WFDC11: variants seen among roughly 807,000 people sequenced by gnomAD.
WFDC11 encodes WAP four-disulfide core domain 11, also known as protein WFDC11.
A neutral mutation model predicts 9.9 loss-of-function variants in WFDC11; 9 were observed. The ratio of observed to expected loss-of-function variants is 0.91; its 90% confidence interval spans 0.55 to 1.58. The LOEUF (loss-of-function observed/expected upper bound fraction) is 1.58, where lower values mean the gene tolerates loss of function less well. WFDC11 is among the 40% of genes most tolerant of loss of function. The probability of loss-of-function intolerance (pLI) is 0.00; values close to 1 mark genes in which losing one functional copy is unlikely to be tolerated. For missense variants in WFDC11, 106 were observed against 101.7 expected, an observed-to-expected ratio of 1.04 and a Z score of -0.18; for synonymous variants, 32 against 33.3, an observed-to-expected ratio of 0.96 and a Z score of 0.13.
chr20:45,669,215 TAAAA>T (rs1415106899), intron 1 of WFDC11, among the ~76,000 whole-genome samples: 1 of 152,114 alleles, frequency 6.6e-6, no homozygotes, highest in African/African-American at 2.4e-5. Flanking sequence ...AAATTAAAAT[TAAAA>T]AACCATCTTT....
intron 4 of WFDC11, among the ~76,000 whole-genome samples, 168 bp from the exon 5 acceptor site, chr20:45,648,907 A>T (rs4812947): frequency 0.014 from 2,111 of 152,322 alleles, 88 homozygotes; most frequent in Admixed American, 0.097. Flanking sequence ...GGACAAAAAA[A>T]GGTGGAGACT....
intron 2 of WFDC11, among the ~76,000 whole-genome samples, chr20:45,659,799 C>T (rs986549636): frequency 3.3e-5 from 5 of 152,122 alleles, no homozygotes; most frequent in Non-Finnish European, 7.4e-5. Context: ...ATCCCTATGT[C>T]CTGAATGGTA....
At chr20:45,659,950 C>A (rs1044889927) in intron 2 of WFDC11, among the ~76,000 whole-genome samples, 1 of 152,250 alleles carries the variant, frequency 6.6e-6, no homozygotes, top group East Asian at 1.9e-4. Context: ...GTTTTCCCAG[C>A]ACCATTTATT....
At chr20:45,666,699 C>T (rs1306401926) in intron 2 of WFDC11, among the ~76,000 whole-genome samples, 2 of 152,212 alleles carry the variant, frequency 1.3e-5, no homozygotes, top group African/African-American at 4.8e-5. Flanking sequence ...TATCACTTCA[C>T]CCAATAATGT....
chr20:45,650,552 AG>A lies in WFDC11; in HGVS notation c.48del (p.Cys17ValfsTer11). 1 of 1,614,146 alleles carries A rather than the reference AG, an allele frequency of 6.2e-7. No homozygotes were observed. Among genetic ancestry groups the A allele is most frequent in the Non-Finnish European group, 8.5e-7 (1 of 1,180,028 alleles). ...CCCAGCACAGACAGTAGCACCGTAC[AG>A]AAGAATGTCATGAGCATGGGTATCC... ...KLWIPMLMTF[F>X]CTVLLSVLGE... is the part of the protein sequence containing the mutation. On this transcript the variant is annotated frameshift_variant, in exon 3 of 5. Coordinates refer to ENST00000324384, the MANE Select transcript of WFDC11 (RefSeq NM_147197.2). LOFTEE classifies it high-confidence loss of function.
At chr20:45,664,998 C>T (rs1983157539) in intron 2 of WFDC11, among the ~76,000 whole-genome samples, 1 of 152,198 alleles carries the variant, frequency 6.6e-6, no homozygotes, top group South Asian at 2.1e-4. Context: ...TGGATAACAT[C>T]CTAAAGAGTG....
At chr20:45,665,682 T>G (rs1416401652) in intron 2 of WFDC11, among the ~76,000 whole-genome samples, 1 of 152,220 alleles carries the variant, frequency 6.6e-6, no homozygotes, top group East Asian at 1.9e-4. Context: ...GTCCCTCAGC[T>G]GCAGGTCTGT....
rs749119237 is a variant in WFDC11 at position 45,649,399 on chromosome 20, C to T, written c.101G>A (p.Arg34Lys). The T allele has an allele frequency of 1.2e-6, 2 of 1,613,468 alleles. No individual in the cohort carries two copies. Among genetic ancestry groups the T allele is most frequent in the African/African-American group, 2.7e-5 (2 of 74,902 alleles). ...LGEMRKKRYDRKELLLEECWG... is the reference protein window; with the variant it reads ...LGEMRKKRYDKKELLLEECWG... ...GCATTCTTCAAGTAACAATTCCTTC[C>T]CTGAAATTGAGATGAGATGGTCAAA... is the stretch of plus-strand genomic sequence containing the variant. The change falls in exon 4 of 5, where the codon AGG (arginine) becomes AAG (lysine). Residue 34 changes from arginine to lysine, a missense_variant and splice_region_variant. Physicochemically the swap from Arg to Lys is conservative, Grantham distance 26. Coordinates refer to ENST00000324384, the MANE Select transcript of WFDC11 (RefSeq NM_147197.2).
At chr20:45,662,134 G>A (rs181500246) in intron 2 of WFDC11, among the ~76,000 whole-genome samples, 6 of 152,134 alleles carry the variant, frequency 3.9e-5, no homozygotes, top group South Asian at 2.1e-4. Context: ...GGTCCTTCAC[G>A]TCCCTTGTAA....
At chr20:45,651,279 G>T (rs1180674003) in intron 2 of WFDC11, among the ~76,000 whole-genome samples, 1 of 152,138 alleles carries the variant, frequency 6.6e-6, no homozygotes, top group African/African-American at 2.4e-5. Flanking sequence ...AACTTATGAT[G>T]GTTTGACATA....
At chr20:45,656,633 A>T (rs1276479507) in intron 2 of WFDC11, among the ~76,000 whole-genome samples, 2 of 151,850 alleles carry the variant, frequency 1.3e-5, no homozygotes, top group African/African-American at 4.8e-5. Context: ...GGAAACTACC[A>T]TCAGAGTGAA....
chr20:45,655,380 C>T (rs944146797), intron 2 of WFDC11, among the ~76,000 whole-genome samples: 3 of 152,170 alleles, frequency 2.0e-5, no homozygotes, highest in Admixed American at 1.3e-4. Context: ...CAAAATTCAA[C>T]AACCCTTCAT....
intron 2 of WFDC11, among the ~76,000 whole-genome samples, chr20:45,652,568 A>G (rs748228968): frequency 1.3e-5 from 2 of 152,252 alleles, no homozygotes; most frequent in Non-Finnish European, 2.9e-5. Flanking sequence ...CAGCAATGGA[A>G]CAAAGCTGGA....
chr20:45,651,601 G>A (rs747177921), intron 2 of WFDC11, among the ~76,000 whole-genome samples: 4 of 152,176 alleles, frequency 2.6e-5, no homozygotes, highest in Admixed American at 6.5e-5. Flanking sequence ...CAGAAAGTGG[G>A]TGCAGCACAC....
intron 2 of WFDC11, among the ~76,000 whole-genome samples, chr20:45,654,647 GT>G (rs774410810): frequency 6.6e-5 from 10 of 152,116 alleles, no homozygotes; most frequent in Non-Finnish European, 1.2e-4. Flanking sequence ...CCAGGAGCTG[GT>G]TTTTTGAAAA....
chr20:45,661,116 G>T (rs1983052702), intron 2 of WFDC11, among the ~76,000 whole-genome samples: 1 of 152,150 alleles, frequency 6.6e-6, no homozygotes, highest in Non-Finnish European at 1.5e-5. Context: ...ATTCTAACTG[G>T]TGTGAGATGG....
chr20:45,656,518 A>T (rs1982935078), intron 2 of WFDC11, among the ~76,000 whole-genome samples: 1 of 152,254 alleles, frequency 6.6e-6, no homozygotes, highest in South Asian at 2.1e-4. Flanking sequence ...TTCAGGACAT[A>T]GGCATGGGCA....
At chr20:45,652,661 C>T (rs1295243582) in intron 2 of WFDC11, among the ~76,000 whole-genome samples, 8 of 151,956 alleles carry the variant, frequency 5.3e-5, no homozygotes. Context: ...GAACCCATGG[C>T]AAAGAATTTA....
chr20:45,668,286 G>A (rs550292227), intron 1 of WFDC11, among the ~76,000 whole-genome samples: 1 of 152,284 alleles, frequency 6.6e-6, no homozygotes, highest in Admixed American at 6.5e-5. Context: ...GTCTTGACTG[G>A]GTCTAGGAAT....
Sources: gnomAD v4.1 joint callset for allele counts (sites outside exome capture counted in the v4.1 genomes callset) on GRCh38, gnomAD v4.1.1 for gene constraint, MANE v1.5 for transcripts, NCBI Gene and HGNC (gene_info 2026-07-23, HGNC 2026-07-21) for gene names.